PARD3: variants seen among roughly 807,000 people sequenced by gnomAD.
The protein encoded by PARD3 is par-3 family cell polarity regulator.
Under a neutral mutation model 155.4 loss-of-function variants are expected in PARD3, and 75 were observed. The observed-to-expected ratio is 0.48, with a 90% confidence interval of 0.40 to 0.58. The LOEUF (loss-of-function observed/expected upper bound fraction) is 0.58. PARD3 is among the 20% of genes least tolerant of loss of function. The probability of loss-of-function intolerance (pLI) is 0.00; values close to 1 mark genes in which losing one functional copy is unlikely to be tolerated. For missense variants in PARD3, 1,642 were observed against 1,721.7 expected (o/e 0.95, Z 0.82); for synonymous variants, 576 against 610.5 (o/e 0.94, Z 0.83).
intron 2 of PARD3, among the ~76,000 whole-genome samples, chr10:34,613,640 T>C (rs1030411922): frequency 9.9e-5 from 15 of 152,150 alleles, no homozygotes; most frequent in Admixed American, 9.2e-4. Context: ...TCATTCTGCC[T>C]ATTATAAGAA....
chr10:34,609,913 T>C (rs904809578), intron 2 of PARD3, among the ~76,000 whole-genome samples: 2 of 152,194 alleles, frequency 1.3e-5, no homozygotes, highest in African/African-American at 4.8e-5. Flanking sequence ...GAAAAATCAT[T>C]TGACATTACC....
chr10:34,130,921 T>C (rs915206191), intron 23 of PARD3, among the ~76,000 whole-genome samples: 1 of 152,090 alleles, frequency 6.6e-6, no homozygotes, highest in African/African-American at 2.4e-5. Flanking sequence ...ATTAGCCAGG[T>C]GTGGTGGCAC....
At chr10:34,732,015 C>T (rs2094827056) in intron 1 of PARD3, among the ~76,000 whole-genome samples, 4 of 152,078 alleles carry the variant, frequency 2.6e-5, no homozygotes, top group Admixed American at 2.6e-4. Flanking sequence ...GAATGAATCA[C>T]AGCTATTAAT....
At chr10:34,768,228 C>T (rs112382493) in intron 1 of PARD3, among the ~76,000 whole-genome samples, 3 of 152,106 alleles carry the variant, frequency 2.0e-5, no homozygotes, top group Non-Finnish European at 2.9e-5. Context: ...GACACAGCCT[C>T]GGGAGGTCCT....
chr10:34,470,405 C>T (rs2078274109), intron 3 of PARD3, 142 bp from the exon 4 acceptor site: 1 of 565,386 alleles, frequency 1.8e-6, no homozygotes, highest in Admixed American at 3.8e-5. Context: ...GTATTCTAAA[C>T]ACAAATTCCT....
At chr10:34,538,527 G>A (rs1003575506) in intron 2 of PARD3, among the ~76,000 whole-genome samples, 2 of 152,236 alleles carry the variant, frequency 1.3e-5, no homozygotes, top group Non-Finnish European at 2.9e-5. Flanking sequence ...CAAGCACTTT[G>A]GGACATGCAG....
chr10:34,368,591 G>C (rs1280526950), intron 12 of PARD3, among the ~76,000 whole-genome samples: 1 of 152,054 alleles, frequency 6.6e-6, no homozygotes, highest in African/African-American at 2.4e-5. Flanking sequence ...AGAATAGTGT[G>C]AACCCGGGGG....
chr10:34,520,686 A>G (rs978102717), intron 2 of PARD3, among the ~76,000 whole-genome samples: 3 of 152,194 alleles, frequency 2.0e-5, no homozygotes, highest in Non-Finnish European at 4.4e-5. Context: ...CATAGACAAT[A>G]CAAAAACAAA....
chr10:34,337,409 A>G lies in PARD3; in HGVS notation c.2426T>C (p.Val809Ala), dbSNP rs1254779275. The G allele has an allele frequency of 6.3e-7, 1 of 1,584,104 alleles. No individual in the cohort carries two copies. The highest frequency in any genetic ancestry group is 1.9e-5 in the Admixed American group (1 of 52,964). The stretch of plus-strand genomic sequence containing the variant: ...TCGTTGAAAAGCAAGAACTGGATCA[A>G]CATCTGGACTCAAAGAGCTGGAGTG... Reference protein sequence around the residue: ...DSADCSLSPDVDPVLAFQREG... With the variant: ...DSADCSLSPDADPVLAFQREG... The change falls in exon 17 of 25, where the codon GTT (valine) becomes GCT (alanine). Residue 809 changes from valine to alanine, a missense_variant. This residue lies in a region of PARD3 where 1,529 missense variants were observed against 1,587.3 expected (regional missense o/e 0.96). Coordinates refer to ENST00000374788, the MANE Select transcript of PARD3 (RefSeq NM_001184785.2).
intron 20 of PARD3, among the ~76,000 whole-genome samples, chr10:34,291,849 C>T (rs1355676932): frequency 1.3e-5 from 2 of 152,166 alleles, no homozygotes; most frequent in Non-Finnish European, 2.9e-5. Context: ...GGATTCGAGA[C>T]CAGCTTGGGC....
chr10:34,556,795 C>A (rs1258647922), intron 2 of PARD3, among the ~76,000 whole-genome samples: 1 of 152,162 alleles, frequency 6.6e-6, no homozygotes, highest in African/African-American at 2.4e-5. Flanking sequence ...TAAAACCACA[C>A]AAACCGTTTC....
chr10:34,681,730 T>TTATATATATATATATATATATA (rs71487904), intron 2 of PARD3, among the ~76,000 whole-genome samples: 1 of 29,976 alleles, frequency 3.3e-5, no homozygotes, highest in Non-Finnish European at 6.6e-5. Context: ...CGTATGTATT[T>TTATATATATATATATATATATA]TATATATATA....
intron 1 of PARD3, among the ~76,000 whole-genome samples, chr10:34,727,580 T>G (rs1426611437): frequency 1.4e-5 from 2 of 142,438 alleles, no homozygotes; most frequent in Non-Finnish European, 3.1e-5. Context: ...ATTTTTTTTT[T>G]GAACGACAAC....
At chr10:34,811,672 CTAGA>C (rs1489844135) in intron 1 of PARD3, among the ~76,000 whole-genome samples, 1 of 152,178 alleles carries the variant, frequency 6.6e-6, no homozygotes, top group African/African-American at 2.4e-5. Flanking sequence ...TTCCTGTCTC[CTAGA>C]TTATACTTTT....
chr10:34,395,634 G>A (rs1312674291), intron 7 of PARD3, among the ~76,000 whole-genome samples: 1 of 31,010 alleles, frequency 3.2e-5, no homozygotes, highest in Non-Finnish European at 5.1e-5. Flanking sequence ...TCAGGAGATC[G>A]AGACCATCCT....
chr10:34,470,225 G>A lies in PARD3; in HGVS notation c.442C>T (p.Leu148=). Residue 148 remains leucine, a synonymous_variant, in exon 4 of 25, where the codon CTA becomes TTA. Coordinates refer to ENST00000374788, the MANE Select transcript of PARD3 (RefSeq NM_001184785.2). ...LHVRRSSDPA[L]IGLSTSVSDS... ...CTGACAGAAGTGGAGAGGCCAATTA[G>A]AGCTGGGTCACTACTGCGTCGAACA... The A allele has an allele frequency of 1.2e-6, 2 of 1,612,446 alleles. No individual in the cohort carries two copies. Among genetic ancestry groups the A allele is most frequent in the Non-Finnish European group, 1.7e-6 (2 of 1,179,226 alleles).
At chr10:34,346,665 A>G (rs1837465873) in intron 15 of PARD3, among the ~76,000 whole-genome samples, 2 of 152,230 alleles carry the variant, frequency 1.3e-5, no homozygotes, top group Admixed American at 1.3e-4. Flanking sequence ...GTGATAAACT[A>G]TGTACAAAGC....
At chr10:34,171,143 A>G (rs1041704040) in intron 22 of PARD3, among the ~76,000 whole-genome samples, 5 of 152,222 alleles carry the variant, frequency 3.3e-5, no homozygotes, top group African/African-American at 1.2e-4. Flanking sequence ...CCATCCATCA[A>G]AAAAGATGGT....
intron 14 of PARD3, 40 bp from the exon 15 acceptor site, chr10:34,348,155 C>G (rs368484422): frequency 6.5e-7 from 1 of 1,544,790 alleles, no homozygotes; most frequent in African/African-American, 1.4e-5. Flanking sequence ...AAAATCAGTA[C>G]CTGGAGGCCA....
Sources: gnomAD v4.1 joint callset for allele counts (sites outside exome capture counted in the v4.1 genomes callset) on GRCh38, gnomAD v4.1.1 for gene constraint, gnomAD v4.1.1 regional missense constraint, MANE v1.5 for transcripts, NCBI Gene and HGNC (gene_info 2026-07-23, HGNC 2026-07-21) for gene names.